IPO11: variants seen among roughly 807,000 people sequenced by gnomAD.
The protein encoded by IPO11 is importin-11.
IPO11 carries 66 observed loss-of-function variants against 143.2 expected under a neutral mutation model. The ratio of observed to expected loss-of-function variants is 0.46; its 90% CI spans 0.38 to 0.57. The LOEUF (loss-of-function observed/expected upper bound fraction) is 0.57. Among genes scored for constraint, IPO11 ranks in the 20% least tolerant of loss-of-function variants. The pLI is 0.00. For synonymous variants in IPO11, 385 were observed against 377.8 expected (o/e 1.02, Z -0.22); for missense variants, 1,026 against 1,141.0 (o/e 0.90, Z 1.45).
At chr5:62,420,044 A>G (rs1236620497) in intron 1 of IPO11, among the ~76,000 whole-genome samples, 1 of 151,968 alleles carries the variant, frequency 6.6e-6, no homozygotes, top group Non-Finnish European at 1.5e-5. Flanking sequence ...TAATCTTAGC[A>G]CTTCGGGAGG....
chr5:62,419,017 G>T, intron 1 of IPO11: 1 of 1,550,726 alleles, frequency 6.4e-7, no homozygotes. Context: ...AACCTAGATG[G>T]TACAGCCTAT....
rs546938536 is a variant in IPO11 at position 62,432,511 on chromosome 5, A to G, written c.-6-4763A>G. 9.2e-5 allele frequency among the ~76,000 whole-genome samples: 14 copies of G among 152,262 alleles called. No homozygotes were observed. The East Asian group carries it at 2.1e-3, about 23-fold the overall frequency. On this transcript the variant is annotated intron_variant, in intron 1 of 29. Coordinates refer to ENST00000325324, the MANE Select transcript of IPO11 (RefSeq NM_016338.5). ...TGTCCCTGGAGTAGAGCTTCCTCAC[A>G]TTGTGGGGTAGGGCTGGGTTTGTGG...
At position 62,622,517 on chromosome 5, in the gene IPO11, C is replaced by T. The variant is rs562145579; in HGVS notation, c.2764-4637C>T. ...AATGTGGATATTGTATTTTGATTCC[C>T]ATTTAATTGCTCTGAAGATGATTGC... On this transcript the variant is annotated intron_variant, in intron 29 of 29. Coordinates refer to ENST00000325324, the MANE Select transcript of IPO11 (RefSeq NM_016338.5). Among the ~76,000 whole-genome samples the T allele has an allele frequency of 5.6e-3, 850 of 152,202 alleles. 2 individuals carry two copies. Among genetic ancestry groups the T allele is most frequent in the Middle Eastern group, 0.017 (5 of 294 alleles).
At chr5:62,594,749 G>A (rs374266202) in intron 28 of IPO11, among the ~76,000 whole-genome samples, 14 of 152,286 alleles carry the variant, frequency 9.2e-5, no homozygotes, top group African/African-American at 3.4e-4. Context: ...TGTAGTGTGA[G>A]GAAGCAACTG....
At position 62,420,646 on chromosome 5, in the gene IPO11, C is replaced by T. The variant is rs138997882; in HGVS notation, c.-7+7717C>T. Among the ~76,000 whole-genome samples, 1,100 of 151,076 alleles carry T rather than the reference C, an allele frequency of 7.3e-3. 14 individuals are homozygous for T. The highest frequency in any genetic ancestry group is 0.025 in the African/African-American group (1,033 of 41,138). On this transcript the variant is annotated intron_variant, in intron 1 of 29. Transcript: ENST00000325324. Reference sequence around the variant, plus strand: ...CCAGGCTGGAGTGCAGTGGCACGATCGTGGCTCACTGCAGCCTTGACCTCC... The same window carrying T: ...CCAGGCTGGAGTGCAGTGGCACGATTGTGGCTCACTGCAGCCTTGACCTCC...
intron 27 of IPO11, among the ~76,000 whole-genome samples, chr5:62,584,744 G>GT (rs1200558792): frequency 1.7e-4 from 23 of 136,586 alleles, no homozygotes; most frequent in African/African-American, 3.0e-4. Flanking sequence ...TTTGTTTTTT[G>GT]TTTTTGTTTT....
intron 1 of IPO11, among the ~76,000 whole-genome samples, chr5:62,435,348 C>T (rs1744181243): frequency 6.6e-6 from 1 of 150,638 alleles, no homozygotes; most frequent in African/African-American, 2.4e-5. Flanking sequence ...TGCCTGTAAT[C>T]CCAGCACTTG....
At chr5:62,588,453 G>A (rs1263243215) in intron 27 of IPO11, among the ~76,000 whole-genome samples, 1 of 152,116 alleles carries the variant, frequency 6.6e-6, no homozygotes, top group Admixed American at 6.6e-5. Flanking sequence ...GGCTAGTCTT[G>A]AACTCCTGGC....
intron 27 of IPO11, among the ~76,000 whole-genome samples, chr5:62,590,545 G>C (rs1049523659): frequency 2.0e-5 from 3 of 152,158 alleles, no homozygotes; most frequent in Non-Finnish European, 4.4e-5. Flanking sequence ...GGTTGGATCT[G>C]AGAAAATTCT....
At chr5:62,532,566 C>G (rs916122943) in intron 22 of IPO11, among the ~76,000 whole-genome samples, 3 of 152,110 alleles carry the variant, frequency 2.0e-5, no homozygotes, top group African/African-American at 7.2e-5. Context: ...CCATGTTGCC[C>G]AGGCTGCTCT....
At chr5:62,493,214 A>G (rs1295052237) in intron 15 of IPO11, among the ~76,000 whole-genome samples, 4 of 152,236 alleles carry the variant, frequency 2.6e-5, no homozygotes, top group African/African-American at 9.6e-5. Flanking sequence ...CAAAATTTAT[A>G]TGAAAGTTTT....
At chr5:62,566,390 T>G (rs1008408405) in intron 27 of IPO11, among the ~76,000 whole-genome samples, 2 of 151,900 alleles carry the variant, frequency 1.3e-5, no homozygotes, top group Non-Finnish European at 2.9e-5. Flanking sequence ...TGATGTTGAG[T>G]TTTTTTTCAT....
At chr5:62,514,896 T>G (rs1466640039) in intron 19 of IPO11, among the ~76,000 whole-genome samples, 1 of 152,076 alleles carries the variant, frequency 6.6e-6, no homozygotes, top group Admixed American at 6.6e-5. Context: ...ATACCTTGTA[T>G]ACACCTTCAT....
chr5:62,536,031 A>G (rs1242399392), intron 22 of IPO11, among the ~76,000 whole-genome samples: 5 of 152,168 alleles, frequency 3.3e-5, no homozygotes. Flanking sequence ...CTGCACTTGC[A>G]AAGGAATAGC....
chr5:62,455,102 T>TTA (rs1439601515), intron 5 of IPO11, among the ~76,000 whole-genome samples: 2 of 152,208 alleles, frequency 1.3e-5, no homozygotes, highest in African/African-American at 4.8e-5. Context: ...GAAGACATCA[T>TTA]TATAAAGAGC....
At chr5:62,478,151 A>G (rs1381880903) in intron 9 of IPO11, among the ~76,000 whole-genome samples, 3 of 151,810 alleles carry the variant, frequency 2.0e-5, no homozygotes, top group Non-Finnish European at 4.4e-5. Context: ...TTTAAGTGGT[A>G]GGGTTGTTTT....
intron 18 of IPO11, among the ~76,000 whole-genome samples, chr5:62,505,183 G>A (rs1277788349): frequency 1.3e-5 from 2 of 151,708 alleles, no homozygotes; most frequent in East Asian, 1.9e-4. Context: ...AAAACATCTA[G>A]TATCTTCATT....
chr5:62,426,656 A>G (rs929641244), intron 1 of IPO11, among the ~76,000 whole-genome samples: 2 of 151,868 alleles, frequency 1.3e-5, no homozygotes, highest in Non-Finnish European at 2.9e-5. Context: ...TAAAAAATGT[A>G]TTTTTTCATT....
intron 24 of IPO11, among the ~76,000 whole-genome samples, chr5:62,545,020 A>G (rs32175): frequency 0.7 from 106,920 of 151,908 alleles, 38,185 homozygotes; most frequent in African/African-American, 0.82. Context: ...TGGCCATACT[A>G]TCCAAGGTAA....
Sources: gnomAD v4.1 joint callset for allele counts (sites outside exome capture counted in the v4.1 genomes callset) on GRCh38, gnomAD v4.1.1 for gene constraint, MANE v1.5 for transcripts, NCBI Gene and HGNC (gene_info 2026-07-23, HGNC 2026-07-21) for gene names.